DYSF: variants seen among roughly 807,000 people sequenced by gnomAD.
DYSF encodes dystrophy-associated fer-1-like 1.
In DYSF, 212 loss-of-function variants were observed where a neutral mutation model predicts 274.9. The ratio of observed to expected loss-of-function variants is 0.77; its 90% CI spans 0.69 to 0.86. DYSF has a LOEUF of 0.86. DYSF is among the 40% of genes least tolerant of loss of function. The pLI is 0.00. For synonymous variants in DYSF, 1,091 were observed against 1,078.7 expected, an observed-to-expected ratio of 1.01 and a Z score of -0.22; for missense variants, 2,666 against 2,783.2, an observed-to-expected ratio of 0.96 and a Z score of 0.95.
At chr2:71,594,717 A>G (rs17616999) in intron 32 of DYSF, among the ~76,000 whole-genome samples, 27,499 of 152,050 alleles carry the variant, frequency 0.18, 2,736 homozygotes, top group East Asian at 0.36. Flanking sequence ...TACCCTTGCC[A>G]TGCTTGCGCC....
In DYSF at chr2:71,671,240, G is replaced by T. The variant is rs2095115480; in HGVS notation, c.5784+1494G>T. Among the ~76,000 whole-genome samples, 2 of 152,234 alleles carry T rather than the reference G, an allele frequency of 1.3e-5. 1 individual carries two copies. The highest frequency in any genetic ancestry group is 4.1e-4 in the South Asian group (2 of 4,838). On this transcript the variant is annotated intron_variant, in intron 51 of 55. Coordinates refer to ENST00000410020, the MANE Select transcript of DYSF (RefSeq NM_001130987.2). ...ATTGCTGTGGAGTGACTGGCAGAAAGCAGAATTGAGCAACAGGGTTCTGGG... is the reference window on the plus strand; with the variant it reads ...ATTGCTGTGGAGTGACTGGCAGAAATCAGAATTGAGCAACAGGGTTCTGGG...
chr2:71,481,783 G>A, intron 2 of DYSF, 96 bp from the exon 3 acceptor site: 1 of 894,330 alleles, frequency 1.1e-6, no homozygotes, highest in African/African-American at 1.6e-5. Context: ...ATTCATGAAT[G>A]CCTACTCAGT....
At chr2:71,649,119 A>C (rs2094612495) in intron 42 of DYSF, among the ~76,000 whole-genome samples, 1 of 139,350 alleles carries the variant, frequency 7.2e-6, no homozygotes, top group Non-Finnish European at 1.5e-5. Flanking sequence ...CCTGGATAAT[A>C]GAGCAAGACT....
intron 45 of DYSF, among the ~76,000 whole-genome samples, chr2:71,662,575 G>A (rs539841026): frequency 6.6e-6 from 1 of 150,616 alleles, no homozygotes; most frequent in African/African-American, 2.4e-5. Flanking sequence ...GTGTATTTGT[G>A]TGTATACATG....
At position 71,507,906 on chromosome 2, in the gene DYSF, C is replaced by G. The variant is rs558032087; in HGVS notation, c.346-3901C>G. On this transcript the variant is annotated intron_variant, in intron 4 of 55. Transcript: ENST00000410020. Reference sequence around the variant, plus strand: ...GTAGGCTCAAGTGATCCTCTCGCCTCAGCCTCCTGAATAGCTGGGACTACA... The same window carrying G: ...GTAGGCTCAAGTGATCCTCTCGCCTGAGCCTCCTGAATAGCTGGGACTACA... 2.6e-5 allele frequency among the ~76,000 whole-genome samples: 4 copies of G among 152,366 alleles called. No homozygotes were observed. In the East Asian group the frequency reaches 7.7e-4, roughly 29 times the overall value.
chr2:71,508,884 A>G (rs2085778137), intron 4 of DYSF, among the ~76,000 whole-genome samples: 1 of 152,032 alleles, frequency 6.6e-6, no homozygotes, highest in South Asian at 2.1e-4. Flanking sequence ...ACGGTATGTC[A>G]CTCTGCTGCC....
At chr2:71,497,190 G>T (rs898380662) in intron 3 of DYSF, among the ~76,000 whole-genome samples, 6 of 152,204 alleles carry the variant, frequency 3.9e-5, no homozygotes, top group African/African-American at 1.4e-4. Flanking sequence ...AACAGAAAAA[G>T]AGTTTAATAC....
chr2:71,481,042 T>C, intron 2 of DYSF, 104 bp downstream of exon 2: 1 of 1,170,830 alleles, frequency 8.5e-7, no homozygotes, highest in Admixed American at 1.8e-5. Flanking sequence ...GCAGTGTCCT[T>C]GAGGTGGGGA....
At chr2:71,679,352 C>T (rs2095266990) in intron 53 of DYSF, 117 bp downstream of exon 53, 2 of 1,023,094 alleles carry the variant, frequency 2.0e-6, no homozygotes, top group Non-Finnish European at 2.9e-6. Flanking sequence ...CTTTCTCCCC[C>T]TCTCCTGCCC....
chr2:71,488,937 A>G (rs2083578651), intron 3 of DYSF, among the ~76,000 whole-genome samples: 1 of 151,420 alleles, frequency 6.6e-6, no homozygotes, highest in Admixed American at 6.6e-5. Context: ...AACTTTCCTG[A>G]GCCCCAATGC....
intron 41 of DYSF, among the ~76,000 whole-genome samples, chr2:71,623,760 T>A (rs2094153528): frequency 6.6e-6 from 1 of 152,116 alleles, no homozygotes; most frequent in Non-Finnish European, 1.5e-5. Context: ...GTACTTGATA[T>A]TCATCACTTA....
At chr2:71,593,785 A>T (rs1215519183) in intron 32 of DYSF, among the ~76,000 whole-genome samples, 1 of 152,174 alleles carries the variant, frequency 6.6e-6, no homozygotes, top group Non-Finnish European at 1.5e-5. Context: ...GAGGACCCTC[A>T]GGCAGCTCTA....
chr2:71,478,993 A>T (rs895731816), intron 1 of DYSF, among the ~76,000 whole-genome samples: 3 of 151,844 alleles, frequency 2.0e-5, no homozygotes, highest in Non-Finnish European at 4.4e-5. Flanking sequence ...ATGGACTCTG[A>T]TGTGCTTGGC....
intron 49 of DYSF, 24 bp downstream of exon 49, chr2:71,668,866 T>C: frequency 6.2e-7 from 1 of 1,606,088 alleles, no homozygotes; most frequent in Non-Finnish European, 8.5e-7. Context: ...CCACAGGCTC[T>C]GAGCTGGGCT....
intron 51 of DYSF, among the ~76,000 whole-genome samples, chr2:71,670,135 A>G (rs1156753162): frequency 2.0e-5 from 3 of 150,992 alleles, no homozygotes; most frequent in Non-Finnish European, 4.4e-5. Flanking sequence ...CTCTGCATCC[A>G]CCCCTTTTCC....
chr2:71,618,110 T>G (rs968184807), intron 40 of DYSF, among the ~76,000 whole-genome samples: 22 of 56,322 alleles, frequency 3.9e-4, no homozygotes, highest in East Asian at 1.5e-3. Flanking sequence ...GTGGTAGAGG[T>G]GGGGTGTGTG....
intron 12 of DYSF, 50 bp downstream of exon 12, chr2:71,520,954 G>C (rs1276520406): frequency 6.5e-7 from 1 of 1,537,992 alleles, no homozygotes; most frequent in Admixed American, 1.7e-5. Context: ...GCGGCACTTG[G>C]TTGCGGAGGC....
Position 71,534,902 on chromosome 2 carries a change from C to A in DYSF, c.1381-119C>A. 5 of 1,056,412 alleles carry A rather than the reference C, an allele frequency of 4.7e-6. No homozygotes were observed. In the South Asian group the frequency reaches 6.5e-5, roughly 14 times the overall value. The allele number at this position is 1,056,412 out of a possible 1,614,324, so 65.4% of individuals were successfully genotyped here. A position where few individuals can be genotyped will look rare whatever the true frequency, so the allele number is the denominator to read the frequency against. ...ACTAGGCCCCAACCCCAGGGTCTTACACCCAGCCCTAAGGGCAGCCAGCAT... is the reference window on the plus strand; with the variant it reads ...ACTAGGCCCCAACCCCAGGGTCTTAAACCCAGCCCTAAGGGCAGCCAGCAT... On this transcript the variant is annotated intron_variant, in intron 14 of 55. Transcript: ENST00000410020.
chr2:71,534,365 TG>T (rs2089077189), intron 14 of DYSF, among the ~76,000 whole-genome samples: 2 of 152,168 alleles, frequency 1.3e-5, no homozygotes, highest in African/African-American at 4.8e-5. Context: ...CTAAGGGGCC[TG>T]GTGTTCCTTA....
Sources: gnomAD v4.1 joint callset for allele counts (sites outside exome capture counted in the v4.1 genomes callset) on GRCh38, gnomAD v4.1.1 for gene constraint, MANE v1.5 for transcripts, NCBI Gene and HGNC (gene_info 2026-07-23, HGNC 2026-07-21) for gene names.